The following NDE1 variants were observed in gnomAD, a reference collection of about 807,000 sequenced individuals.
NDE1 encodes the protein nuclear distribution protein nudE homolog 1.
NDE1 carries 28 observed loss-of-function variants against 43.4 expected under a neutral mutation model. That is an observed-to-expected ratio of 0.65 (90% confidence interval 0.48 to 0.89). NDE1 has a LOEUF of 0.89. Among genes scored for constraint, NDE1 ranks in the 40% least tolerant of loss-of-function variants. NDE1 has a pLI of 0.00. For synonymous variants in NDE1, 184 were observed against 172.0 expected (o/e 1.07, Z -0.55); for missense variants, 441 against 434.1 (o/e 1.02, Z -0.14).
At chr16:15,647,404 C>T (rs1354389856), upstream of NDE1, among the ~76,000 whole-genome samples, 4 of 152,148 alleles carry the variant, frequency 2.6e-5, no homozygotes, top group East Asian at 3.9e-4. Flanking sequence ...TGTAAGACCT[C>T]GGACAACTCA....
chr16:15,677,987 CCT>C (rs760268624), intron 4 of NDE1, 38 bp downstream of exon 4: 1 of 1,612,690 alleles, frequency 6.2e-7, no homozygotes, highest in Non-Finnish European at 8.5e-7. Flanking sequence ...GGGAGACTCT[CCT>C]CTCTGCTTTT....
At chr16:15,715,155 A>G (rs2151192567) in intron 8 of NDE1, 1 of 1,613,324 alleles carries the variant, frequency 6.2e-7, no homozygotes, top group East Asian at 2.2e-5. Context: ...GCTGGGTGGC[A>G]GGGGCTACCT....
intron 4 of NDE1, among the ~76,000 whole-genome samples, chr16:15,684,896 G>A (rs993821863): frequency 5.9e-5 from 9 of 152,180 alleles, no homozygotes; most frequent in Non-Finnish European, 1.2e-4. Flanking sequence ...AGGCTTTATA[G>A]TAGTGCGTTC....
chr16:15,717,647 T>G, intron 8 of NDE1: 3 of 470,936 alleles, frequency 6.4e-6, no homozygotes, highest in Non-Finnish European at 1.2e-5. Context: ...ATACAAAAAT[T>G]AGCCGGGCAG....
intron 4 of NDE1, among the ~76,000 whole-genome samples, chr16:15,683,588 C>T (rs1430123439): frequency 6.6e-6 from 1 of 152,040 alleles, no homozygotes; most frequent in Non-Finnish European, 1.5e-5. Flanking sequence ...CTTTGTGATC[C>T]ACCCGCCTCA....
intron 8 of NDE1, chr16:15,703,632 A>G (rs2039301035): frequency 2.5e-6 from 1 of 407,140 alleles, no homozygotes. Flanking sequence ...TCTGTTGCCC[A>G]GGCTGGAGTG....
At chr16:15,645,010 C>T (rs940572391) in intron 1 of NDE1, among the ~76,000 whole-genome samples, 3 of 151,136 alleles carry the variant, frequency 2.0e-5, no homozygotes, top group Non-Finnish European at 4.4e-5. Flanking sequence ...GCCTCCACCT[C>T]CCGGGTTCAA....
intron 8 of NDE1, among the ~76,000 whole-genome samples, chr16:15,720,471 C>G (rs911721577): frequency 6.6e-6 from 1 of 151,876 alleles, no homozygotes; most frequent in Admixed American, 6.6e-5. Flanking sequence ...TCACGCCGGG[C>G]GTGGGTGGCT....
intron 8 of NDE1, chr16:15,703,635 C>T (rs1567667806): frequency 9.8e-6 from 4 of 409,348 alleles, no homozygotes; most frequent in Middle Eastern, 4.7e-4. Flanking sequence ...GTTGCCCAGG[C>T]TGGAGTGCAA....
chr16:15,694,271 T>A lies in NDE1; in HGVS notation c.795+15T>A, dbSNP rs200281724. ...GGAAAGTCGGGGTAAGACCACACTT[T>A]CCTGGCGTTTGGTGCCTTCCTGCCT... On this transcript the variant is annotated intron_variant, in intron 7 of 8. Coordinates refer to ENST00000396354, the MANE Select transcript of NDE1 (RefSeq NM_017668.3). 45 of 1,611,640 alleles carry A rather than the reference T, an allele frequency of 2.8e-5. No homozygotes were observed. Among genetic ancestry groups the A allele is most frequent in the Non-Finnish European group, 3.6e-5 (43 of 1,179,092 alleles).
At chr16:15,671,713 CAG>C (rs1259379205) in intron 3 of NDE1, among the ~76,000 whole-genome samples, 1 of 152,042 alleles carries the variant, frequency 6.6e-6, no homozygotes, top group African/African-American at 2.4e-5. Context: ...CTGTTGGAGA[CAG>C]AGTCTCCCCC....
At chr16:15,688,689 CTTTTTTTTT>C (rs1194565114) in intron 5 of NDE1, among the ~76,000 whole-genome samples, 3,582 of 59,922 alleles carry the variant, frequency 0.06, 231 homozygotes, top group African/African-American at 0.23. Flanking sequence ...TTGTTTTTAC[CTTTTTTTTT>C]TTTTTTTTTT....
At chr16:15,650,231 C>G, upstream of NDE1, 1 of 260,392 alleles carries the variant, frequency 3.8e-6, no homozygotes, top group South Asian at 3.3e-5. Context: ...AGGGCCGGGG[C>G]CGCACCGCCC....
intron 6 of NDE1, among the ~76,000 whole-genome samples, chr16:15,692,101 C>T (rs2077756066): frequency 6.6e-6 from 1 of 152,070 alleles, no homozygotes; most frequent in Admixed American, 6.6e-5. Context: ...ACCCCAGCCC[C>T]TCTGCTGACA....
At chr16:15,721,271 C>T in intron 8 of NDE1, 2 of 1,024,416 alleles carry the variant, frequency 2.0e-6, no homozygotes, top group Non-Finnish European at 2.9e-6. Context: ...TCAGCCCCTC[C>T]CAGCCCCTGC....
chr16:15,720,009 A>G (rs1335479510), intron 8 of NDE1: 3 of 1,212,850 alleles, frequency 2.5e-6, no homozygotes, highest in Non-Finnish European at 2.4e-6. Flanking sequence ...CAAATCCTGA[A>G]TGGTTCCAGA....
intron 8 of NDE1, among the ~76,000 whole-genome samples, chr16:15,706,933 T>G (rs945212495): frequency 6.6e-6 from 1 of 152,214 alleles, no homozygotes; most frequent in African/African-American, 2.4e-5. Context: ...GAAGTGCTTT[T>G]CTTGGAACTG....
intron 8 of NDE1, chr16:15,718,679 T>G (rs943638905): frequency 8.4e-6 from 5 of 593,048 alleles, no homozygotes; most frequent in African/African-American, 1.9e-5. Context: ...CCTCCCTGAC[T>G]CTTCCTGGCC....
chr16:15,643,599 C>T (rs1159422702), exon 1 of NDE1: 1 of 296,988 alleles, frequency 3.4e-6, no homozygotes, highest in Non-Finnish European at 6.4e-6. Context: ...CGGGTCTCGT[C>T]ACGTGATGGT....
Sources: gnomAD v4.1 joint callset for allele counts (sites outside exome capture counted in the v4.1 genomes callset) on GRCh38, gnomAD v4.1.1 for gene constraint, MANE v1.5 for transcripts, NCBI Gene and HGNC (gene_info 2026-07-23, HGNC 2026-07-21) for gene names.